Variants in UBAC2 observed in about 807,000 individuals in gnomAD.
The protein encoded by UBAC2 is UBA domain containing 2.
A neutral mutation model predicts 44.0 loss-of-function variants in UBAC2; 26 were observed. That is an observed-to-expected ratio of 0.59 (90% CI 0.43 to 0.82). The LOEUF is 0.82. UBAC2 is among the 40% of genes least tolerant of loss of function. The pLI is 0.00. For missense variants in UBAC2, 329 were observed against 419.4 expected, an observed-to-expected ratio of 0.78 and a Z score of 1.88; for synonymous variants, 155 against 154.3, an observed-to-expected ratio of 1.00 and a Z score of -0.04.
intron 7 of UBAC2, among the ~76,000 whole-genome samples, chr13:99,349,629 G>C (rs375638410): frequency 1.3e-5 from 2 of 152,178 alleles, no homozygotes; most frequent in Middle Eastern, 3.2e-3. Flanking sequence ...TTAGGTAGCC[G>C]AAGCTGAGAG....
At chr13:99,263,366 G>A (rs1263240087) in intron 4 of UBAC2, among the ~76,000 whole-genome samples, 2 of 152,186 alleles carry the variant, frequency 1.3e-5, no homozygotes, top group Non-Finnish European at 2.9e-5. Flanking sequence ...AAGCACTTAA[G>A]AATGAGTAGA....
chr13:99,211,312 G>T (rs1031785196), intron 1 of UBAC2, among the ~76,000 whole-genome samples: 1 of 152,120 alleles, frequency 6.6e-6, no homozygotes, highest in African/African-American at 2.4e-5. Context: ...ATTTGCCTGC[G>T]TCCAAAGCCT....
intron 1 of UBAC2, among the ~76,000 whole-genome samples, chr13:99,232,372 C>G (rs1020421947): frequency 6.0e-5 from 7 of 116,688 alleles, no homozygotes. Context: ...CTTTTGAACA[C>G]AAGACCCTGT....
intron 1 of UBAC2, among the ~76,000 whole-genome samples, chr13:99,224,536 T>C (rs1011571619): frequency 3.3e-5 from 5 of 152,210 alleles, no homozygotes; most frequent in African/African-American, 1.2e-4. Context: ...AAATCCTTTC[T>C]CAGCTCTCAG....
chr13:99,220,556 A>G (rs2043042237), intron 1 of UBAC2, among the ~76,000 whole-genome samples: 1 of 152,246 alleles, frequency 6.6e-6, no homozygotes, highest in Non-Finnish European at 1.5e-5. Flanking sequence ...CTTAAACTTT[A>G]TATTTTTATA....
intron 4 of UBAC2, among the ~76,000 whole-genome samples, chr13:99,280,432 C>T (rs773795295): frequency 3.3e-5 from 5 of 152,210 alleles, no homozygotes; most frequent in Non-Finnish European, 7.3e-5. Context: ...ACCAAGAAAA[C>T]AAGGAGAACT....
chr13:99,234,594 C>G (rs2043213833), intron 1 of UBAC2, among the ~76,000 whole-genome samples: 1 of 152,198 alleles, frequency 6.6e-6, no homozygotes, highest in South Asian at 2.1e-4. Context: ...GATACTGTGT[C>G]CAATGACAAG....
intron 7 of UBAC2, among the ~76,000 whole-genome samples, chr13:99,354,979 G>T (rs1472871008): frequency 6.6e-6 from 1 of 151,704 alleles, no homozygotes; most frequent in South Asian, 2.1e-4. Context: ...CATGAGCTGG[G>T]AAGTGGACAT....
At chr13:99,222,280 C>G (rs1212319476) in intron 1 of UBAC2, among the ~76,000 whole-genome samples, 1 of 152,140 alleles carries the variant, frequency 6.6e-6, no homozygotes, top group African/African-American at 2.4e-5. Flanking sequence ...GATGGAAGGC[C>G]ACTCTGAGGA....
intron 1 of UBAC2, among the ~76,000 whole-genome samples, chr13:99,224,915 A>G (rs2043094292): frequency 6.6e-6 from 1 of 152,222 alleles, no homozygotes; most frequent in African/African-American, 2.4e-5. Context: ...TAATGATACT[A>G]TATACTTATC....
intron 1 of UBAC2, among the ~76,000 whole-genome samples, chr13:99,207,914 A>G (rs886922381): frequency 6.6e-5 from 10 of 151,606 alleles, no homozygotes; most frequent in African/African-American, 2.2e-4. Context: ...CCGTGTTCCT[A>G]CTGACATTCT....
intron 2 of UBAC2, among the ~76,000 whole-genome samples, chr13:99,242,683 T>C: frequency 1.2e-3 from 2 of 1,640 alleles, no homozygotes; most frequent in Admixed American, 4.6e-3. Context: ...GGCGGGGGGC[T>C]GACCCCCCCC....
intron 5 of UBAC2, among the ~76,000 whole-genome samples, chr13:99,316,402 AATGAATGAATGAATGG>A (rs905403204): frequency 6.6e-6 from 1 of 151,968 alleles, no homozygotes; most frequent in African/African-American, 2.4e-5. Context: ...GACATTGTTG[AATGAATGAATGAATGG>A]ATGAATGAAT....
chr13:99,361,964 G>A (rs2045271101), intron 7 of UBAC2, among the ~76,000 whole-genome samples: 1 of 152,102 alleles, frequency 6.6e-6, no homozygotes, highest in Non-Finnish European at 1.5e-5. Context: ...CCTGTGAATA[G>A]CCACTGCTCT....
chr13:99,202,221 A>G (rs1178339788), intron 1 of UBAC2, among the ~76,000 whole-genome samples: 2 of 152,124 alleles, frequency 1.3e-5, no homozygotes, highest in African/African-American at 4.8e-5. Flanking sequence ...TCAGGTTTTG[A>G]AGTGGTTTCA....
chr13:99,374,951 T>TA (rs1329679153), intron 8 of UBAC2, among the ~76,000 whole-genome samples: 1 of 152,190 alleles, frequency 6.6e-6, no homozygotes, highest in Non-Finnish European at 1.5e-5. Flanking sequence ...TGTTTTCACA[T>TA]AAAAAATGTG....
intron 4 of UBAC2, among the ~76,000 whole-genome samples, chr13:99,263,116 T>A (rs777599485): frequency 3.9e-5 from 6 of 152,192 alleles, no homozygotes; most frequent in Non-Finnish European, 8.8e-5. Flanking sequence ...CATTATAATA[T>A]TATACTTCGT....
At position 99,386,310 on chromosome 13, in the gene UBAC2, C is replaced by T. The variant is rs1416678234; in HGVS notation, c.*975C>T. On this transcript the variant is annotated 3_prime_UTR_variant, in exon 9 of 9. Coordinates refer to ENST00000403766, the MANE Select transcript of UBAC2 (RefSeq NM_001144072.2). ...TGGACCGCCATGAGCATGAAAAGACCCGAAGCAAGTTGACTCTTGCAATGT... is the reference window on the plus strand; with the variant it reads ...TGGACCGCCATGAGCATGAAAAGACTCGAAGCAAGTTGACTCTTGCAATGT... 6.6e-6 allele frequency: 1 copy of T among 152,248 alleles called. No homozygotes were observed. Among genetic ancestry groups the T allele is most frequent in the Non-Finnish European group, 1.5e-5 (1 of 68,052 alleles). The allele number at this position is 152,248 out of a possible 1,614,324, so 9.4% of individuals were successfully genotyped here.
At chr13:99,244,371 A>ACATATACACACATATGCATGTGTG in intron 3 of UBAC2, 144 bp from the exon 4 acceptor site, 2 of 496,430 alleles carry the variant, frequency 4.0e-6, no homozygotes, top group Non-Finnish European at 3.5e-6. Flanking sequence ...AATTTCAAAT[A>ACATATACACACATATGCATGTGTG]TATATACACA....
Sources: allele counts gnomAD v4.1 joint callset (sites outside exome capture counted in the v4.1 genomes callset), GRCh38; gene constraint gnomAD v4.1.1; transcripts MANE v1.5; gene names NCBI Gene and HGNC (gene_info 2026-07-23, HGNC 2026-07-21).